The following TENM2 variants were observed in gnomAD, a reference collection of about 807,000 sequenced individuals.
TENM2 encodes the protein teneurin transmembrane protein 2.
TENM2 carries 52 observed loss-of-function variants against 245.2 expected under a neutral mutation model. The observed-to-expected ratio is 0.21, with a 90% CI of 0.17 to 0.27. The LOEUF is 0.27. TENM2 is among the 10% of genes least tolerant of loss of function. The probability of loss-of-function intolerance (pLI) is 1.00; values close to 1 mark genes in which losing one functional copy is unlikely to be tolerated. For synonymous variants in TENM2, 1,363 were observed against 1,438.9 expected (o/e 0.95, Z 1.19); for missense variants, 3,046 against 3,666.8 (o/e 0.83, Z 4.37).
chr5:167,256,722 C>G, the TENM2 span, among the ~76,000 whole-genome samples: 1 of 151,452 alleles, frequency 6.6e-6, no homozygotes, highest in Non-Finnish European at 1.5e-5. Flanking sequence ...AGTAGGGAAG[C>G]CAGAAAGAGG....
chr5:167,158,102 AATT>A, the TENM2 span, among the ~76,000 whole-genome samples: 2 of 152,286 alleles, frequency 1.3e-5, no homozygotes, highest in African/African-American at 2.4e-5. Context: ...TGACAAGTAA[AATT>A]ATTATTTGTT....
intron 25 of TENM2, among the ~76,000 whole-genome samples, chr5:168,242,556 T>C (rs60118636): frequency 0.075 from 11,440 of 152,304 alleles, 536 homozygotes; most frequent in African/African-American, 0.13. Flanking sequence ...GAAGCTTTTT[T>C]TATCATTTGT....
At chr5:167,505,935 C>T (rs1446317458) in intron 2 of TENM2, among the ~76,000 whole-genome samples, 3 of 152,010 alleles carry the variant, frequency 2.0e-5, no homozygotes, top group African/African-American at 7.2e-5. Context: ...AATCCAAGCA[C>T]TTTGAGAGGC....
chr5:168,076,313 C>T (rs1348531771), intron 7 of TENM2, among the ~76,000 whole-genome samples: 1 of 150,252 alleles, frequency 6.7e-6, no homozygotes, highest in African/African-American at 2.5e-5. Context: ...GCAACCTCTG[C>T]CTCCCAGGTT....
chr5:168,022,039 A>G (rs1362941350), intron 5 of TENM2, among the ~76,000 whole-genome samples: 1 of 152,250 alleles, frequency 6.6e-6, no homozygotes, highest in African/African-American at 2.4e-5. Context: ...AGTGTGATAT[A>G]ACAATTAAGT....
At chr5:167,519,773 A>G (rs952245128) in intron 2 of TENM2, among the ~76,000 whole-genome samples, 3 of 152,170 alleles carry the variant, frequency 2.0e-5, no homozygotes, top group Non-Finnish European at 4.4e-5. Context: ...TAGACCTACA[A>G]TTCACAATCA....
At chr5:167,898,574 A>G (rs1775432787) in intron 3 of TENM2, among the ~76,000 whole-genome samples, 3 of 152,220 alleles carry the variant, frequency 2.0e-5, no homozygotes, top group Admixed American at 2.0e-4. Flanking sequence ...CTCTTGAGAA[A>G]GAGTTCATAT....
the TENM2 span, among the ~76,000 whole-genome samples, chr5:167,208,545 A>T: frequency 6.6e-6 from 1 of 152,240 alleles, no homozygotes; most frequent in Non-Finnish European, 1.5e-5. Flanking sequence ...TAAAGCATAG[A>T]GAATGCAGAT....
At chr5:167,630,881 A>T (rs1045936689) in intron 2 of TENM2, among the ~76,000 whole-genome samples, 1 of 152,228 alleles carries the variant, frequency 6.6e-6, no homozygotes, top group Admixed American at 6.5e-5. Flanking sequence ...AGGCAAAATT[A>T]TACAGAAGAT....
chr5:167,189,870 T>C, the TENM2 span, among the ~76,000 whole-genome samples: 1 of 152,134 alleles, frequency 6.6e-6, no homozygotes, highest in Non-Finnish European at 1.5e-5. Context: ...GAGATATAAC[T>C]TTATATTAAT....
intron 2 of TENM2, among the ~76,000 whole-genome samples, chr5:167,732,508 G>GT (rs1330948472): frequency 6.6e-6 from 1 of 152,152 alleles, no homozygotes; most frequent in Non-Finnish European, 1.5e-5. Flanking sequence ...TGATAAGTAT[G>GT]TTTTTTGTCT....
chr5:168,063,389 T>C (rs1223911775), intron 7 of TENM2, among the ~76,000 whole-genome samples: 1 of 152,170 alleles, frequency 6.6e-6, no homozygotes, highest in Non-Finnish European at 1.5e-5. Context: ...ACATAACACC[T>C]GGGGTAAATT....
At chr5:167,708,807 A>G (rs554044357) in intron 2 of TENM2, among the ~76,000 whole-genome samples, 2 of 152,200 alleles carry the variant, frequency 1.3e-5, no homozygotes, top group African/African-American at 4.8e-5. Flanking sequence ...GACTAATACT[A>G]TATATGTTAA....
chr5:167,405,699 C>G (rs1249087572), intron 2 of TENM2, among the ~76,000 whole-genome samples: 1 of 151,574 alleles, frequency 6.6e-6, no homozygotes, highest in Non-Finnish European at 1.5e-5. Context: ...CAGCCTCACC[C>G]TGTAATTTTA....
chr5:167,027,656 A>G, the TENM2 span, among the ~76,000 whole-genome samples: 26 of 152,250 alleles, frequency 1.7e-4, no homozygotes, highest in African/African-American at 6.0e-4. Flanking sequence ...ATAATGCAAG[A>G]TCATTTTAAT....
At chr5:167,312,907 C>CTTT (rs762116351) in intron 1 of TENM2, among the ~76,000 whole-genome samples, 157 of 94,764 alleles carry the variant, frequency 1.7e-3, no homozygotes, top group Middle Eastern at 5.7e-3. Context: ...GACCTTGACT[C>CTTT]TTTTTTTTTT....
chr5:167,763,650 C>T (rs1762817882), intron 2 of TENM2, among the ~76,000 whole-genome samples: 1 of 152,282 alleles, frequency 6.6e-6, no homozygotes, highest in African/African-American at 2.4e-5. Flanking sequence ...AGTTTGCTAA[C>T]TTCATTACCA....
exon 16 of TENM2, chr5:168,198,855 T>A: frequency 6.2e-7 from 1 of 1,613,680 alleles, no homozygotes; most frequent in Non-Finnish European, 8.5e-7. Flanking sequence ...CTCTCCAGGT[T>A]CGACCTGATC....
At chr5:167,064,381 T>C in the TENM2 span, among the ~76,000 whole-genome samples, 1 of 152,220 alleles carries the variant, frequency 6.6e-6, no homozygotes, top group South Asian at 2.1e-4. Flanking sequence ...CTTGTAAGCA[T>C]ATCATTATGC....
Sources: allele counts gnomAD v4.1 joint callset (sites outside exome capture counted in the v4.1 genomes callset), GRCh38; gene constraint gnomAD v4.1.1; transcripts MANE v1.5; gene names NCBI Gene and HGNC (gene_info 2026-07-23, HGNC 2026-07-21).